Variants in PPP1R1C observed in about 807,000 individuals in gnomAD.
PPP1R1C encodes protein phosphatase 1 regulatory inhibitor subunit 1C, also known as protein phosphatase 1 regulatory subunit 1C.
PPP1R1C carries 15 observed loss-of-function variants against 17.4 expected under a neutral mutation model. The observed-to-expected ratio is 0.86, with a 90% CI of 0.58 to 1.33. The LOEUF (loss-of-function observed/expected upper bound fraction) is 1.33, where lower values mean the gene tolerates loss of function less well. PPP1R1C is among the 40% of genes most tolerant of loss of function. PPP1R1C has a pLI of 0.00. For synonymous variants in PPP1R1C, 35 were observed against 43.1 expected (o/e 0.81, Z 0.73); for missense variants, 143 against 130.0 (o/e 1.10, Z -0.48).
chr2:182,084,933 A>G (rs1688583745), intron 4 of PPP1R1C, among the ~76,000 whole-genome samples: 1 of 152,012 alleles, frequency 6.6e-6, no homozygotes, highest in African/African-American at 2.4e-5. Context: ...ATTTTTTTCA[A>G]CAGTATTTTA....
intron 4 of PPP1R1C, among the ~76,000 whole-genome samples, chr2:182,090,757 C>T (rs1688757984): frequency 1.3e-5 from 2 of 151,962 alleles, no homozygotes; most frequent in South Asian, 2.1e-4. Context: ...AGTAAGTTTT[C>T]CAAAACATCT....
Position 182,080,446 on chromosome 2 carries a change from T to A in PPP1R1C, c.241+16655T>A, listed in dbSNP as rs1448455432. On this transcript the variant is annotated intron_variant, in intron 4 of 4. Coordinates refer to ENST00000682840, the MANE Select transcript of PPP1R1C (RefSeq NM_001080545.3). ...ACCTTTTGGTCCTGTAGAGTGGATCTTGAGAGAAGTTCACTTGTTATATTC... is the reference window on the plus strand; with the variant it reads ...ACCTTTTGGTCCTGTAGAGTGGATCATGAGAGAAGTTCACTTGTTATATTC... Among the ~76,000 whole-genome samples, 6 of 152,384 alleles carry A rather than the reference T, an allele frequency of 3.9e-5. No homozygotes were observed. The East Asian group carries it at 1.2e-3, about 29-fold the overall frequency.
rs1327113229 is a variant in PPP1R1C at position 182,117,588 on chromosome 2, AG to A, written c.*294del. On this transcript the variant is annotated 3_prime_UTR_variant, in exon 5 of 5. Coordinates refer to ENST00000682840, the MANE Select transcript of PPP1R1C (RefSeq NM_001080545.3). ...ACTGTTCTAACTTTAATACTGCCAG[AG>A]CTTAATCCTTGATGTCCTACTGATA... 3.7e-6 allele frequency: 1 copy of A among 270,656 alleles called. No individual in the cohort carries two copies. Among genetic ancestry groups the A allele is most frequent in the Non-Finnish European group, 6.9e-6 (1 of 144,624 alleles). The allele number at this position is 270,656 out of a possible 1,614,324, so 16.8% of individuals were successfully genotyped here.
chr2:181,979,638 C>T (rs976682560), intron 2 of PPP1R1C, among the ~76,000 whole-genome samples: 1 of 152,154 alleles, frequency 6.6e-6, no homozygotes, highest in East Asian at 1.9e-4. Context: ...GGGGTATCTA[C>T]TTTTGCAAAG....
chr2:182,038,181 G>GCA (rs897793966), intron 2 of PPP1R1C, among the ~76,000 whole-genome samples: 2 of 151,954 alleles, frequency 1.3e-5, no homozygotes, highest in African/African-American at 4.8e-5. Context: ...GGGACTACAG[G>GCA]CACACACCAC....
At chr2:182,067,527 G>T (rs546674540) in intron 4 of PPP1R1C, among the ~76,000 whole-genome samples, 2 of 152,058 alleles carry the variant, frequency 1.3e-5, no homozygotes, top group East Asian at 3.9e-4. Flanking sequence ...CTTCCAATCA[G>T]GGAAAACTGC....
chr2:182,024,952 C>T (rs1348590465), intron 2 of PPP1R1C, among the ~76,000 whole-genome samples: 3 of 134,380 alleles, frequency 2.2e-5, no homozygotes, highest in Non-Finnish European at 4.7e-5. Context: ...ATATATTCTT[C>T]TTTTTTTTTT....
downstream of PPP1R1C, among the ~76,000 whole-genome samples, chr2:182,121,724 G>A (rs184553613): frequency 1.1e-3 from 172 of 152,014 alleles, 2 homozygotes; most frequent in Admixed American, 4.0e-3. Context: ...GGATGGTCTC[G>A]ATATCCTGAC....
At chr2:181,959,231 G>A (rs1056017055) in intron 1 of PPP1R1C, among the ~76,000 whole-genome samples, 10 of 152,144 alleles carry the variant, frequency 6.6e-5, no homozygotes, top group African/African-American at 2.4e-4. Context: ...TAAGAATTTT[G>A]TAGAAATTTC....
chr2:181,961,640 C>CT lies in PPP1R1C; in HGVS notation n.111+7007dup, dbSNP rs1220682713. The CT allele has an allele frequency of 3.9e-5, 29 of 747,386 alleles. No individual in the cohort carries two copies. Among genetic ancestry groups the CT allele is most frequent in the Non-Finnish European group, 6.8e-5 (28 of 411,890 alleles). The allele number at this position is 747,386 out of a possible 1,614,324, so 46.3% of individuals were successfully genotyped here. A position where few individuals can be genotyped will look rare whatever the true frequency, so the allele number is the denominator to read the frequency against. On this transcript the variant is annotated intron_variant and non_coding_transcript_variant, in intron 1 of 5. Coordinates refer to the PPP1R1C transcript ENST00000464264. This position sits in a 1 kb window ranked among gnomAD's most constrained non-coding sequence, Gnocchi z 5.8. ...ACCTTGGTGGACTGCGTAGTGACCA[C>CT]TGTGGTGCTCTTCTCAATCTGCTGA...
chr2:181,956,011 C>G (rs954735259), intron 1 of PPP1R1C, among the ~76,000 whole-genome samples: 1 of 152,100 alleles, frequency 6.6e-6, no homozygotes, highest in Admixed American at 6.6e-5. Context: ...GGTATTTCTC[C>G]TAATGCTATC....
intron 5 of PPP1R1C, among the ~76,000 whole-genome samples, chr2:182,125,631 G>A (rs1427798375): frequency 6.6e-6 from 1 of 152,064 alleles, no homozygotes; most frequent in East Asian, 1.9e-4. Flanking sequence ...TTGGGAGAGT[G>A]TATATGTCCT....
intron 2 of PPP1R1C, among the ~76,000 whole-genome samples, chr2:182,024,410 T>C (rs190750293): frequency 1.3e-3 from 196 of 152,208 alleles, no homozygotes; most frequent in Middle Eastern, 6.8e-3. Context: ...CAGAGCACAG[T>C]CAATTGATAA....
chr2:181,995,799 A>G (rs1171341259), intron 2 of PPP1R1C, among the ~76,000 whole-genome samples: 3 of 142,370 alleles, frequency 2.1e-5, no homozygotes, highest in Non-Finnish European at 4.6e-5. Flanking sequence ...GAGCCTTGGG[A>G]TTTTTCTGTC....
chr2:182,086,447 TC>T (rs1238379523), intron 4 of PPP1R1C, among the ~76,000 whole-genome samples: 1 of 152,128 alleles, frequency 6.6e-6, no homozygotes, highest in African/African-American at 2.4e-5. Flanking sequence ...GAAATGGAAA[TC>T]GATACCACTT....
chr2:182,106,287 C>G (rs1202215041), intron 4 of PPP1R1C, among the ~76,000 whole-genome samples: 1 of 152,212 alleles, frequency 6.6e-6, no homozygotes, highest in Non-Finnish European at 1.5e-5. Context: ...CAAGACCACT[C>G]TGGCCTGCCA....
chr2:181,967,704 T>C lies in PPP1R1C; in HGVS notation n.112-7515T>C, dbSNP rs1684928555. 6.6e-6 allele frequency among the ~76,000 whole-genome samples: 1 copy of C among 151,522 alleles called. No homozygotes were observed. Among genetic ancestry groups the C allele is most frequent in the African/African-American group, 2.4e-5 (1 of 41,296 alleles). The stretch of plus-strand genomic sequence containing the variant: ...CCTTCCTTCCTTCCTTTCTTTCTCT[T>C]TCTTTCTTTCATTCTTTCTTTCTTT... On this transcript the variant is annotated intron_variant and non_coding_transcript_variant, in intron 1 of 5. Transcript: ENST00000464264. This position sits in a 1 kb window ranked among gnomAD's most constrained non-coding sequence, Gnocchi z 5.5.
intron 2 of PPP1R1C, among the ~76,000 whole-genome samples, chr2:182,042,061 G>C (rs191284153): frequency 6.6e-6 from 1 of 152,162 alleles, no homozygotes; most frequent in Admixed American, 6.5e-5. Flanking sequence ...TTATCTGTCA[G>C]TATATGTTGT....
At chr2:182,043,005 C>G (rs1196137) in intron 2 of PPP1R1C, among the ~76,000 whole-genome samples, 9,773 of 152,180 alleles carry the variant, frequency 0.064, 1,100 homozygotes, top group African/African-American at 0.22. Context: ...TCTCCTTAAC[C>G]TTAAAAAATA....
Sources: gnomAD v4.1 joint callset for allele counts (sites outside exome capture counted in the v4.1 genomes callset) on GRCh38, gnomAD v4.1.1 for gene constraint, Gnocchi (gnomAD v3.1) non-coding constraint, MANE v1.5 for transcripts, NCBI Gene and HGNC (gene_info 2026-07-23, HGNC 2026-07-21) for gene names.